STK3: variants seen among roughly 807,000 people sequenced by gnomAD.
The protein encoded by STK3 is serine/threonine kinase 3.
STK3 carries 41 observed loss-of-function variants against 58.0 expected under a neutral mutation model. The observed-to-expected ratio is 0.71, with a 90% CI of 0.55 to 0.92. The LOEUF (loss-of-function observed/expected upper bound fraction) is 0.92, where lower values mean the gene tolerates loss of function less well. Among genes scored for constraint, STK3 ranks in the 40% least tolerant of loss-of-function variants. The pLI is 0.00. For missense variants in STK3, 479 were observed against 602.7 expected (o/e 0.79, Z 2.15); for synonymous variants, 170 against 191.0 (o/e 0.89, Z 0.91).
chr8:98,632,324 A>C (rs1474049136), intron 6 of STK3, among the ~76,000 whole-genome samples: 1 of 152,250 alleles, frequency 6.6e-6, no homozygotes, highest in African/African-American at 2.4e-5. Context: ...AGAGAATAAT[A>C]GATACCTACA....
intron 9 of STK3, 102 bp from the exon 10 acceptor site, chr8:98,527,019 A>G (rs1825794337): frequency 1.1e-6 from 1 of 949,388 alleles, no homozygotes; most frequent in Non-Finnish European, 1.5e-6. Flanking sequence ...ATAAATTTGC[A>G]CTGGTCAGAT....
At chr8:98,709,784 T>C (rs1406208305) in intron 4 of STK3, among the ~76,000 whole-genome samples, 1 of 152,124 alleles carries the variant, frequency 6.6e-6, no homozygotes, top group Non-Finnish European at 1.5e-5. Context: ...AAGGAAACTA[T>C]CTCACCATAG....
rs75492973 is a variant in STK3 at position 98,842,329 on chromosome 8, T to C, written c.110+41318A>G. Among the ~76,000 whole-genome samples, 592 of 152,134 alleles carry C rather than the reference T, an allele frequency of 3.9e-3. 9 individuals carry two copies. Among genetic ancestry groups the C allele is most frequent in the African/African-American group, 0.014 (566 of 41,490 alleles). ...AAATACATAAAAAGAGCCAATGAGG[T>C]TTTGAAAAAATGAGCAATTAAGAGA... On this transcript the variant is annotated intron_variant, in intron 3 of 12. Transcript: ENST00000523601.
At chr8:98,656,756 G>T (rs937042132) in intron 6 of STK3, among the ~76,000 whole-genome samples, 3 of 151,996 alleles carry the variant, frequency 2.0e-5, no homozygotes, top group Non-Finnish European at 4.4e-5. Flanking sequence ...TATATAGAAA[G>T]ATTTATTGTT....
intron 7 of STK3, among the ~76,000 whole-genome samples, chr8:98,583,418 G>A (rs1176889749): frequency 1.4e-5 from 2 of 144,472 alleles, no homozygotes; most frequent in Non-Finnish European, 3.0e-5. Context: ...TGATTTTTAT[G>A]CAAACCAAAA....
chr8:98,623,876 G>A (rs554169339), intron 6 of STK3, among the ~76,000 whole-genome samples: 23 of 152,308 alleles, frequency 1.5e-4, no homozygotes, highest in Middle Eastern at 3.4e-3. Context: ...AACCAGACCT[G>A]CCAACACCTT....
chr8:98,694,804 T>A (rs1824726973), intron 6 of STK3, among the ~76,000 whole-genome samples: 2 of 152,236 alleles, frequency 1.3e-5, no homozygotes, highest in Non-Finnish European at 2.9e-5. Flanking sequence ...AGTGCCACAA[T>A]AAACATACGT....
chr8:98,597,449 G>A, intron 6 of STK3: 1 of 985,212 alleles, frequency 1.0e-6, no homozygotes, highest in Non-Finnish European at 1.2e-6. Context: ...TCTTTCAAAA[G>A]CAGTGTAGCC....
chr8:98,526,959 A>C lies in STK3; in HGVS notation c.1142-42T>G, dbSNP rs997890251. On this transcript the variant is annotated intron_variant, in intron 9 of 10. Coordinates refer to ENST00000419617, the MANE Select transcript of STK3 (RefSeq NM_006281.4). ...ACATAAGGAAGGTATAAGTTCTTAC[A>C]TTTAAGGAAGTATTTTCTTTGAAGT... 2.2e-6 allele frequency: 3 copies of C among 1,376,884 alleles called. No homozygotes were observed. The African/African-American group carries it at 4.3e-5, about 20-fold the overall frequency. The allele number at this position is 1,376,884 out of a possible 1,614,324, so 85.3% of individuals were successfully genotyped here.
chr8:98,852,510 TAATC>T (rs1262835262), intron 3 of STK3, among the ~76,000 whole-genome samples: 21 of 152,322 alleles, frequency 1.4e-4, no homozygotes, highest in African/African-American at 4.8e-4. Context: ...ATAAATCAAA[TAATC>T]AATCTATCCC....
downstream of STK3, among the ~76,000 whole-genome samples, chr8:98,396,916 C>T (rs1262887388): frequency 6.6e-6 from 1 of 152,216 alleles, no homozygotes; most frequent in African/African-American, 2.4e-5. Context: ...ATGTACCAGG[C>T]CCTATTCTAA....
At chr8:98,652,957 G>T (rs1156664513) in intron 6 of STK3, among the ~76,000 whole-genome samples, 3 of 152,152 alleles carry the variant, frequency 2.0e-5, no homozygotes, top group African/African-American at 7.2e-5. Flanking sequence ...CCCAGGAACT[G>T]AACTCAGCTC....
chr8:98,344,041 T>C, the STK3 span, among the ~76,000 whole-genome samples: 31 of 152,202 alleles, frequency 2.0e-4, no homozygotes, highest in Admixed American at 2.0e-3. Context: ...GGATTCCCCA[T>C]ATTTAAGAGA....
intron 7 of STK3, among the ~76,000 whole-genome samples, chr8:98,592,918 C>CA (rs1815457088): frequency 6.6e-6 from 1 of 152,182 alleles, no homozygotes; most frequent in African/African-American, 2.4e-5. Flanking sequence ...CGTGCACCAC[C>CA]ATGTCTGGCT....
intron 3 of STK3, among the ~76,000 whole-genome samples, chr8:98,878,328 T>G (rs1459475068): frequency 6.6e-6 from 1 of 152,192 alleles, no homozygotes; most frequent in Non-Finnish European, 1.5e-5. Context: ...ATATGAGTTC[T>G]AAATTTCTTT....
chr8:98,722,593 AGATG>A (rs1827512057), intron 4 of STK3: 1 of 155,014 alleles, frequency 6.5e-6, no homozygotes. Context: ...TTTCCTAGAT[AGATG>A]GAGTTTTGTT....
In STK3 at chr8:98,749,286, C is replaced by T. The variant is rs941475589; in HGVS notation, c.341G>A (p.Arg114Gln). Residue 114 changes from arginine to glutamine, a missense_variant, in exon 4 of 11, where the codon CGA becomes CAA. Physicochemically the swap from Arg to Gln is conservative, Grantham distance 43. This residue lies in a region of STK3 where 126 missense variants were observed against 210.1 expected (regional missense o/e 0.60). Transcript: ENST00000419617. ...TTTTAAAATACTTACTGTCTTGTTT[C>T]GTAATCTAATTATGTCTGAGACAGA... ...AGSVSDIIRLRNKTLIEDEIA... is the reference protein window; with the variant it reads ...AGSVSDIIRLQNKTLIEDEIA... 11 of 1,600,790 alleles carry T rather than the reference C, an allele frequency of 6.9e-6. No individual in the cohort carries two copies. Among genetic ancestry groups the T allele is most frequent in the East Asian group, 6.7e-5 (3 of 44,654 alleles).
At chr8:98,481,829 G>A (rs532086149) in intron 10 of STK3, among the ~76,000 whole-genome samples, 1 of 152,002 alleles carries the variant, frequency 6.6e-6, no homozygotes, top group South Asian at 2.1e-4. Context: ...ACTGGAATAC[G>A]TTTGTTTGGT....
rs190259178 is a variant in STK3, at chr8:98,715,519, A to T, written c.352-8208T>A. 3.3e-5 allele frequency among the ~76,000 whole-genome samples: 5 copies of T among 152,322 alleles called. No homozygotes were observed. In the East Asian group the frequency reaches 7.7e-4, roughly 23 times the overall value. On this transcript the variant is annotated intron_variant, in intron 4 of 10. Coordinates refer to ENST00000419617, the MANE Select transcript of STK3 (RefSeq NM_006281.4). ...AAGAAGACACTTATGCAGCCAAAAG[A>T]CCCATGAAAACATGCTCATCATCAC...
Sources: allele counts gnomAD v4.1 joint callset (sites outside exome capture counted in the v4.1 genomes callset), GRCh38; gene constraint gnomAD v4.1.1; regional missense constraint gnomAD v4.1.1; transcripts MANE v1.5; gene names NCBI Gene and HGNC (gene_info 2026-07-23, HGNC 2026-07-21).